ERICH2: variants seen among roughly 807,000 people sequenced by gnomAD.
ERICH2 encodes glutamate-rich protein 2.
A neutral mutation model predicts 17.4 loss-of-function variants in ERICH2; 17 were observed. That is an observed-to-expected ratio of 0.98 (90% CI 0.67 to 1.47). The LOEUF is 1.47. Ranked by LOEUF, ERICH2 falls within the 40% of genes most tolerant of loss-of-function variation. ERICH2 has a pLI of 0.00. For missense variants in ERICH2, 186 were observed against 183.2 expected (o/e 1.01, Z -0.09); for synonymous variants, 51 against 61.1 (o/e 0.83, Z 0.77).
chr2:170,783,601 G>A (rs1701079718), upstream of ERICH2, among the ~76,000 whole-genome samples: 1 of 152,166 alleles, frequency 6.6e-6, no homozygotes, highest in Non-Finnish European at 1.5e-5. Context: ...TAAGGTAATT[G>A]CAGTTTGTGG....
upstream of ERICH2, chr2:170,782,478 A>T (rs1047163579): frequency 2.8e-5 from 15 of 531,078 alleles, no homozygotes; most frequent in Non-Finnish European, 3.6e-5. Context: ...ACAACTCTGT[A>T]GATCTGGGGC....
chr2:170,783,145 T>TA (rs764483394), upstream of ERICH2: 37,171 of 151,042 alleles, frequency 0.25, 5,001 homozygotes, highest in South Asian at 0.33. Context: ...TAAATAAAAA[T>TA]AAAATAAAAA....
rs1553568277 is a variant in ERICH2, at chr2:170,791,533, A to AAAAAAAC, written c.217-1324_217-1323insCAAAAAA. ...GGTGAAACCCCGTCTCTACTAAAAA[A>AAAAAAAC]AAAAAAATTAGCCGGGCGTGGTGGC... On this transcript the variant is annotated intron_variant, in intron 2 of 4. Coordinates refer to ENST00000409885, the Ensembl canonical transcript of ERICH2. 1.4e-4 allele frequency among the ~76,000 whole-genome samples: 20 copies of AAAAAAAC among 145,156 alleles called. 1 individual carries two copies. The highest frequency in any genetic ancestry group is 2.2e-4 in the South Asian group (1 of 4,632).
upstream of ERICH2, chr2:170,782,380 G>C: frequency 1.0e-6 from 1 of 983,968 alleles, no homozygotes; most frequent in Non-Finnish European, 1.2e-6. Context: ...CTGCTTAAAA[G>C]AAAGCACAGG....
intron 2 of ERICH2, among the ~76,000 whole-genome samples, chr2:170,785,750 A>G (rs1317026117): frequency 1.3e-5 from 2 of 152,112 alleles, no homozygotes; most frequent in Non-Finnish European, 2.9e-5. Context: ...ATCTGTTAAA[A>G]CAAGAGAAGG....
intron 3 of ERICH2, among the ~76,000 whole-genome samples, chr2:170,797,598 G>C (rs543678413): frequency 3.3e-4 from 50 of 152,118 alleles, no homozygotes; most frequent in African/African-American, 9.4e-4. Context: ...AGGAGTTTGA[G>C]ACTAGCCTGG....
intron 3 of ERICH2, among the ~76,000 whole-genome samples, chr2:170,793,382 CAG>C (rs1159271415): frequency 2.0e-5 from 3 of 152,176 alleles, no homozygotes; most frequent in Non-Finnish European, 4.4e-5. Context: ...AGACAATAAA[CAG>C]ATAGTGTGTC....
At chr2:170,784,049 C>T (rs1701088089) in intron 1 of ERICH2, among the ~76,000 whole-genome samples, 1 of 152,062 alleles carries the variant, frequency 6.6e-6, no homozygotes, top group African/African-American at 2.4e-5. Flanking sequence ...CCTAGATTTC[C>T]TCATTTTCTT....
chr2:170,777,619 C>G, the ERICH2 span: 15 of 1,223,106 alleles, frequency 1.2e-5, no homozygotes, highest in Non-Finnish European at 1.4e-5. Context: ...TAATAAAATA[C>G]TGAGGGTATT....
exon 4 of ERICH2, chr2:170,798,087 A>G (rs1432541104): frequency 1.9e-6 from 3 of 1,548,708 alleles, no homozygotes; most frequent in African/African-American, 2.7e-5. Flanking sequence ...AGTTTTTCAC[A>G]CTTATTGAAG....
intron 3 of ERICH2, among the ~76,000 whole-genome samples, chr2:170,796,143 T>C (rs562128987): frequency 3.8e-4 from 58 of 152,314 alleles, no homozygotes; most frequent in Non-Finnish European, 4.9e-4. Flanking sequence ...CTATTAATGA[T>C]AAGCATATTT....
At chr2:170,792,892 C>T (rs3764916) in exon 3 of ERICH2, 443,782 of 1,499,230 alleles carry the variant, frequency 0.3, 69,918 homozygotes, top group East Asian at 0.55. Context: ...CCCGAGAGTA[C>T]CAGCTGGCAA....
chr2:170,780,888 CAG>C (rs1034402790), upstream of ERICH2, among the ~76,000 whole-genome samples: 4 of 152,158 alleles, frequency 2.6e-5, no homozygotes, highest in African/African-American at 9.7e-5. Flanking sequence ...TTTTACATAA[CAG>C]GAGTCTCACA....
Position 170,789,138 on chromosome 2 carries a change from T to C in ERICH2, c.217-3725T>C, listed in dbSNP as rs186809489. 3.1e-3 allele frequency among the ~76,000 whole-genome samples: 473 copies of C among 151,798 alleles called. 2 individuals carry two copies. Among genetic ancestry groups the C allele is most frequent in the African/African-American group, 0.011 (441 of 41,376 alleles). The stretch of plus-strand genomic sequence containing the variant: ...ACCATGCCTGGCTAATTTTTTTTTT[T>C]TTTTTAAGTAGAGATCGGGTTTCAC... On this transcript the variant is annotated intron_variant, in intron 2 of 4. Transcript: ENST00000409885.
the ERICH2 span, among the ~76,000 whole-genome samples, chr2:170,774,712 C>T: frequency 6.6e-6 from 1 of 151,918 alleles, no homozygotes; most frequent in Non-Finnish European, 1.5e-5. Context: ...GCTGGGACTA[C>T]AGACTCACAC....
At chr2:170,781,462 C>T (rs1312898817), upstream of ERICH2, among the ~76,000 whole-genome samples, 3 of 151,842 alleles carry the variant, frequency 2.0e-5, no homozygotes, top group Non-Finnish European at 2.9e-5. Context: ...GGTGAAACCC[C>T]GTTTCTACTA....
upstream of ERICH2, among the ~76,000 whole-genome samples, chr2:170,783,497 C>T (rs899547445): frequency 3.3e-5 from 5 of 152,076 alleles, no homozygotes; most frequent in South Asian, 2.1e-4. Context: ...TGCAGTGAGC[C>T]GAGATCACAT....
At chr2:170,789,203 G>C (rs978790241) in intron 2 of ERICH2, among the ~76,000 whole-genome samples, 1 of 151,220 alleles carries the variant, frequency 6.6e-6, no homozygotes, top group Non-Finnish European at 1.5e-5. Flanking sequence ...GGCCTCAGGT[G>C]ATCCGCCCAC....
chr2:170,774,697 G>A, the ERICH2 span, among the ~76,000 whole-genome samples: 12 of 150,788 alleles, frequency 8.0e-5, no homozygotes, highest in East Asian at 1.8e-3. Context: ...TCAGCCTCCC[G>A]AGTAGCTGGG....
Sources: gnomAD v4.1 joint callset for allele counts (sites outside exome capture counted in the v4.1 genomes callset) on GRCh38, gnomAD v4.1.1 for gene constraint, MANE v1.5 for transcripts, NCBI Gene and HGNC (gene_info 2026-07-23, HGNC 2026-07-21) for gene names.